Variants in CSGALNACT1 observed in about 807,000 individuals in gnomAD.
CSGALNACT1 encodes chondroitin sulfate N-acetylgalactosaminyltransferase 1, also known as beta4GalNAcT-1.
A neutral mutation model predicts 51.0 loss-of-function variants in CSGALNACT1; 52 were observed. The observed-to-expected ratio is 1.02, with a 90% CI of 0.82 to 1.29. CSGALNACT1 has a LOEUF of 1.29. Ranked by LOEUF, CSGALNACT1 falls within the 50% of genes most tolerant of loss-of-function variation. The pLI is 0.00. For synonymous variants in CSGALNACT1, 341 were observed against 254.4 expected, an observed-to-expected ratio of 1.34 and a Z score of -3.24; for missense variants, 935 against 679.2, an observed-to-expected ratio of 1.38 and a Z score of -4.19.
chr8:19,482,862 C>T (rs1374971972), intron 4 of CSGALNACT1, among the ~76,000 whole-genome samples: 2 of 152,078 alleles, frequency 1.3e-5, no homozygotes, highest in Admixed American at 1.3e-4. Flanking sequence ...CTTTATGTGT[C>T]CCAGAGACAG....
intron 4 of CSGALNACT1, among the ~76,000 whole-genome samples, chr8:19,492,679 G>C (rs1563711149): frequency 6.6e-6 from 1 of 152,180 alleles, no homozygotes; most frequent in Non-Finnish European, 1.5e-5. Flanking sequence ...CTCTGGTCTT[G>C]CTGGTCCACG....
intron 4 of CSGALNACT1, among the ~76,000 whole-genome samples, chr8:19,478,157 G>C (rs1477562462): frequency 6.6e-6 from 1 of 152,118 alleles, no homozygotes; most frequent in Non-Finnish European, 1.5e-5. Context: ...GCTCACGCCT[G>C]TAATCTCAGC....
At chr8:19,752,196 C>A (rs7815645) in intron 1 of CSGALNACT1, among the ~76,000 whole-genome samples, 1 of 147,582 alleles carries the variant, frequency 6.8e-6, no homozygotes, top group African/African-American at 2.5e-5. Context: ...ATAATATATA[C>A]TATATATCTT....
chr8:19,574,992 G>A (rs532049104), intron 3 of CSGALNACT1, among the ~76,000 whole-genome samples: 68 of 151,120 alleles, frequency 4.5e-4, no homozygotes, highest in Non-Finnish European at 6.2e-4. Context: ...GTGAGATAGC[G>A]CCACTGCACT....
At chr8:19,563,949 G>A (rs148050836) in intron 3 of CSGALNACT1, among the ~76,000 whole-genome samples, 309 of 151,920 alleles carry the variant, frequency 2.0e-3, no homozygotes, top group African/African-American at 7.1e-3. Flanking sequence ...ACCACGCTGC[G>A]GCTGTTTCTG....
At chr8:19,415,845 G>C (rs2056756758) in intron 8 of CSGALNACT1, among the ~76,000 whole-genome samples, 1 of 152,200 alleles carries the variant, frequency 6.6e-6, no homozygotes, top group Non-Finnish European at 1.5e-5. Context: ...CTCTGGGAAA[G>C]GAAGCGAGAA....
At chr8:19,516,995 G>A (rs548313848) in intron 3 of CSGALNACT1, among the ~76,000 whole-genome samples, 1 of 152,334 alleles carries the variant, frequency 6.6e-6, no homozygotes, top group African/African-American at 2.4e-5. Flanking sequence ...ACCTGGAGAG[G>A]TGGTTGGTTT....
chr8:19,595,826 G>T (rs1003212636), intron 2 of CSGALNACT1, among the ~76,000 whole-genome samples: 1 of 150,582 alleles, frequency 6.6e-6, no homozygotes, highest in African/African-American at 2.4e-5. Context: ...AACTCCATCA[G>T]ATTCTTGCCT....
intron 1 of CSGALNACT1, among the ~76,000 whole-genome samples, chr8:19,647,986 C>T (rs1286522410): frequency 6.6e-6 from 1 of 152,220 alleles, no homozygotes; most frequent in Admixed American, 6.5e-5. Flanking sequence ...CAAGGAGCAT[C>T]TGAAAGGCCA....
At chr8:19,728,464 T>G (rs1460167161) in intron 1 of CSGALNACT1, among the ~76,000 whole-genome samples, 1 of 152,200 alleles carries the variant, frequency 6.6e-6, no homozygotes, top group Non-Finnish European at 1.5e-5. Context: ...AAGAAATGCT[T>G]CAACTCACTG....
chr8:19,601,609 G>T (rs1564222414), intron 2 of CSGALNACT1, among the ~76,000 whole-genome samples, 162 bp downstream of exon 2: 3 of 152,210 alleles, frequency 2.0e-5, no homozygotes, highest in African/African-American at 7.2e-5. Flanking sequence ...CCAAGTAATT[G>T]TATTATTTTG....
intron 1 of CSGALNACT1, among the ~76,000 whole-genome samples, chr8:19,697,905 G>T (rs2061664371): frequency 6.6e-6 from 1 of 152,194 alleles, no homozygotes; most frequent in South Asian, 2.1e-4. Flanking sequence ...GAGAGCTATT[G>T]AAAGGGGAAA....
chr8:19,466,160 C>T (rs914135781), intron 4 of CSGALNACT1, among the ~76,000 whole-genome samples: 1 of 152,008 alleles, frequency 6.6e-6, no homozygotes, highest in South Asian at 2.1e-4. Flanking sequence ...TATACATGTT[C>T]AACAAGAAAA....
chr8:19,475,479 T>A (rs1052421561), intron 4 of CSGALNACT1, among the ~76,000 whole-genome samples: 1 of 152,020 alleles, frequency 6.6e-6, no homozygotes, highest in Admixed American at 6.6e-5. Context: ...CACCATAAAG[T>A]TTTGAAGGAA....
intron 5 of CSGALNACT1, chr8:19,457,571 C>T (rs1316019900): frequency 1.3e-6 from 1 of 798,060 alleles, no homozygotes; most frequent in Non-Finnish European, 1.8e-6. Flanking sequence ...AGAGTTCGTG[C>T]CACTGCACTC....
chr8:19,535,218 T>C (rs1030487051), intron 3 of CSGALNACT1, among the ~76,000 whole-genome samples: 21 of 152,068 alleles, frequency 1.4e-4, no homozygotes, highest in Admixed American at 2.0e-4. Flanking sequence ...AGAAAAGAAA[T>C]ATTATTTCCT....
At chr8:19,648,656 A>G (rs538863358) in intron 1 of CSGALNACT1, among the ~76,000 whole-genome samples, 1 of 152,166 alleles carries the variant, frequency 6.6e-6, no homozygotes, top group South Asian at 2.1e-4. Context: ...AAAAGTACTA[A>G]AATTAGCTGG....
At position 19,510,741 on chromosome 8, in the gene CSGALNACT1, C is replaced by T. The variant is rs551695643; in HGVS notation, c.-296-4611G>A. ...AGTACAAATATAATACATTTTAAAA[C>T]GACAGAAGTTTAAGATAAATGTTAT... On this transcript the variant is annotated intron_variant, in intron 3 of 9. Transcript: ENST00000454498. Among the ~76,000 whole-genome samples the T allele has an allele frequency of 1.2e-4, 19 of 152,204 alleles. 1 individual carries two copies. The South Asian group carries it at 3.3e-3, about 27-fold the overall frequency.
At chr8:19,599,963 A>G (rs2050040955) in intron 2 of CSGALNACT1, among the ~76,000 whole-genome samples, 1 of 152,216 alleles carries the variant, frequency 6.6e-6, no homozygotes, top group African/African-American at 2.4e-5. Context: ...CCATTCAAAC[A>G]TTTAGTAGCA....
Sources: allele counts gnomAD v4.1 joint callset (sites outside exome capture counted in the v4.1 genomes callset), GRCh38; gene constraint gnomAD v4.1.1; transcripts MANE v1.5; gene names NCBI Gene and HGNC (gene_info 2026-07-23, HGNC 2026-07-21).